Variants in SRGAP2 observed in about 807,000 individuals in gnomAD.
SRGAP2 encodes the protein SLIT-ROBO Rho GTPase activating protein 2.
SRGAP2 carries 15 observed loss-of-function variants against 57.2 expected under a neutral mutation model. The observed-to-expected ratio is 0.26, with a 90% CI of 0.18 to 0.40. The LOEUF is 0.40. Among genes scored for constraint, SRGAP2 ranks in the 10% least tolerant of loss-of-function variants. The pLI is 1.00. For synonymous variants in SRGAP2, 249 were observed against 248.0 expected, an observed-to-expected ratio of 1.00 and a Z score of -0.04; for missense variants, 520 against 669.6, an observed-to-expected ratio of 0.78 and a Z score of 2.47.
intron 2 of SRGAP2, among the ~76,000 whole-genome samples, chr1:206,241,914 G>GTT (rs1213434987): frequency 2.0e-5 from 2 of 99,612 alleles, no homozygotes; most frequent in African/African-American, 1.2e-4. Flanking sequence ...GTGTTTGCGT[G>GTT]TGTGTGTGTG....
At chr1:206,421,575 A>G (rs1203343931) in intron 13 of SRGAP2, among the ~76,000 whole-genome samples, 2 of 152,186 alleles carry the variant, frequency 1.3e-5, no homozygotes, top group Non-Finnish European at 2.9e-5. Context: ...CTTTTCCAAG[A>G]CCACAAAAGA....
intron 10 of SRGAP2, among the ~76,000 whole-genome samples, chr1:206,410,860 A>G (rs1056211951): frequency 6.6e-6 from 1 of 152,092 alleles, no homozygotes; most frequent in Non-Finnish European, 1.5e-5. Flanking sequence ...TTTCCTAAGT[A>G]TTTCCTTTGT....
At chr1:206,418,888 CTGTGTGTGTGTGTGTGTGTGTG>C (rs1159940831) in intron 11 of SRGAP2, among the ~76,000 whole-genome samples, 5 of 136,566 alleles carry the variant, frequency 3.7e-5, no homozygotes, top group South Asian at 2.5e-4. Context: ...CCAACTCTCT[CTGTGTGTGTGTGTGTGTGTGTG>C]TGTGTGTGTG....
intron 2 of SRGAP2, among the ~76,000 whole-genome samples, chr1:206,300,935 G>A (rs1671837677): frequency 7.5e-6 from 1 of 133,094 alleles, no homozygotes; most frequent in South Asian, 2.6e-4. Flanking sequence ...GGACTCAGAG[G>A]GACCTGACAG....
At chr1:206,313,055 CT>C (rs1208152224) in intron 3 of SRGAP2, among the ~76,000 whole-genome samples, 3,925 of 146,054 alleles carry the variant, frequency 0.027, 35 homozygotes, top group Middle Eastern at 0.031. Flanking sequence ...TTTTAGGTAG[CT>C]TTTTTTTTTC....
intron 5 of SRGAP2, among the ~76,000 whole-genome samples, chr1:206,391,664 ACTCT>A (rs1320771831): frequency 1.4e-5 from 2 of 146,684 alleles, no homozygotes; most frequent in South Asian, 2.1e-4. Context: ...CCCAACTTCT[ACTCT>A]CTAATTCTCC....
At chr1:206,443,113 A>G (rs1271961253) in intron 17 of SRGAP2, among the ~76,000 whole-genome samples, 2 of 152,350 alleles carry the variant, frequency 1.3e-5, no homozygotes, top group East Asian at 3.9e-4. Flanking sequence ...TAAGTTTCCC[A>G]ACACCAATCC....
At chr1:206,305,523 G>A (rs1672135651) in intron 3 of SRGAP2, among the ~76,000 whole-genome samples, 1 of 152,224 alleles carries the variant, frequency 6.6e-6, no homozygotes, top group African/African-American at 2.4e-5. Context: ...AATTCTTACA[G>A]CATTTTATTT....
At position 206,461,221 on chromosome 1, in the gene SRGAP2, C is replaced by T; in HGVS notation, c.3017C>T (p.Pro1006Leu). The T allele has an allele frequency of 3.8e-6, 3 of 780,722 alleles. No homozygotes were observed. The highest frequency in any genetic ancestry group is 7.2e-6 in the Non-Finnish European group (3 of 417,888). 48.4% of individuals were successfully genotyped at this position (780,722 alleles called of 1,614,324 possible). The change falls in exon 23 of 23, where the codon CCC becomes CTC. Residue 1006 changes from proline to leucine, a missense_variant. Pro to Leu is a moderately conservative substitution (Grantham distance 98, BLOSUM62 -3). Transcript: ENST00000573034. ...LHTQLLKDPE[P>L]AFQRSASTAG... ...ACCCAGCTCCTCAAGGACCCCGAGCCCGCCTTCCAGCGCAGCGCCAGTACT... is the reference window on the plus strand; with the variant it reads ...ACCCAGCTCCTCAAGGACCCCGAGCTCGCCTTCCAGCGCAGCGCCAGTACT...
chr1:206,240,630 G>A (rs1553309008), intron 2 of SRGAP2, among the ~76,000 whole-genome samples: 2 of 152,032 alleles, frequency 1.3e-5, no homozygotes, highest in Non-Finnish European at 2.9e-5. Flanking sequence ...TGGCCTTAGA[G>A]GCTTAAAAAC....
chr1:206,359,724 A>T (rs1309911964), intron 4 of SRGAP2, among the ~76,000 whole-genome samples: 1 of 143,780 alleles, frequency 7.0e-6, no homozygotes, highest in Non-Finnish European at 1.5e-5. Context: ...ATACATAAAA[A>T]AGTAAATATA....
intron 2 of SRGAP2, among the ~76,000 whole-genome samples, chr1:206,285,418 C>T (rs1310976126): frequency 1.3e-5 from 2 of 152,062 alleles, no homozygotes; most frequent in African/African-American, 4.8e-5. Flanking sequence ...CTCCACCTTC[C>T]CCATGGCTGC....
chr1:206,230,067 G>T (rs1330071829), intron 2 of SRGAP2, among the ~76,000 whole-genome samples: 1 of 152,032 alleles, frequency 6.6e-6, no homozygotes, highest in Non-Finnish European at 1.5e-5. Context: ...AGAAAAAAAG[G>T]TTTCTCTGCT....
intron 10 of SRGAP2, among the ~76,000 whole-genome samples, chr1:206,414,033 CTT>C (rs1202216512): frequency 1.8e-4 from 23 of 128,870 alleles, no homozygotes; most frequent in Admixed American, 4.5e-4. Context: ...CTTTTTCTTT[CTT>C]TTTTTTTTTT....
At position 206,208,798 on chromosome 1, in the gene SRGAP2, G is replaced by GT. The variant is rs1666123059; in HGVS notation, c.67+2762dup. Reference sequence around the variant, plus strand: ...ATGCCAAGATAAAAAGAAAATTGCTGTAACAGCTATGCAGTTTGGTTTGGT... The same window carrying GT: ...ATGCCAAGATAAAAAGAAAATTGCTGTTAACAGCTATGCAGTTTGGTTTGGT... On this transcript the variant is annotated intron_variant, in intron 2 of 22. Transcript: ENST00000573034. Among the ~76,000 whole-genome samples, 4 of 151,980 alleles carry GT rather than the reference G, an allele frequency of 2.6e-5. No individual in the cohort carries two copies. In the South Asian group the frequency reaches 8.3e-4, roughly 32 times the overall value.
chr1:206,265,852 G>C (rs556066739), intron 2 of SRGAP2, among the ~76,000 whole-genome samples: 10,314 of 145,372 alleles, frequency 0.071, 963 homozygotes, highest in African/African-American at 0.22. Flanking sequence ...TTGGTATATT[G>C]ATTTAACTTA....
chr1:206,221,116 A>G (rs1256083668), intron 2 of SRGAP2, among the ~76,000 whole-genome samples: 1 of 147,340 alleles, frequency 6.8e-6, no homozygotes, highest in Non-Finnish European at 1.5e-5. Context: ...TAATTTTTAA[A>G]TTTTTAGTAG....
intron 2 of SRGAP2, among the ~76,000 whole-genome samples, chr1:206,240,910 G>A (rs1182010312): frequency 3.9e-3 from 586 of 149,012 alleles, no homozygotes; most frequent in African/African-American, 0.014. Flanking sequence ...TTGGGTTGGC[G>A]CTGTGGCTCA....
chr1:206,322,401 G>A (rs549053061), intron 3 of SRGAP2, among the ~76,000 whole-genome samples: 3 of 149,226 alleles, frequency 2.0e-5, no homozygotes, highest in African/African-American at 7.4e-5. Context: ...GTGAAACCCT[G>A]TCTCTACTAA....
Sources: allele counts gnomAD v4.1 joint callset (sites outside exome capture counted in the v4.1 genomes callset), GRCh38; gene constraint gnomAD v4.1.1; transcripts MANE v1.5; gene names NCBI Gene and HGNC (gene_info 2026-07-23, HGNC 2026-07-21).